The following AGPAT5 variants were observed in gnomAD, a reference collection of about 807,000 sequenced individuals.
AGPAT5 encodes 1-acylglycerol-3-phosphate O-acyltransferase 5, also known as 1-acyl-sn-glycerol-3-phosphate acyltransferase epsilon.
AGPAT5 carries 46 observed loss-of-function variants against 45.6 expected under a neutral mutation model. The ratio of observed to expected loss-of-function variants is 1.01; its 90% CI spans 0.80 to 1.29. The LOEUF is 1.29. Among genes scored for constraint, AGPAT5 ranks in the 50% most tolerant of loss-of-function variants. The pLI, the probability that AGPAT5 is intolerant of heterozygous loss-of-function variation, is 0.00. For synonymous variants in AGPAT5, 272 were observed against 167.0 expected, an observed-to-expected ratio of 1.63 and a Z score of -4.85; for missense variants, 673 against 450.7, an observed-to-expected ratio of 1.49 and a Z score of -4.47.
intron 2 of AGPAT5, among the ~76,000 whole-genome samples, chr8:6,730,340 TTTTTTTTTG>T (rs1171292354): frequency 1.1e-4 from 1 of 9,376 alleles, no homozygotes; most frequent in African/African-American, 5.3e-3. Flanking sequence ...TTTTTTTTTT[TTTTTTTTTG>T]GAGACGGAGT....
chr8:6,729,651 G>A (rs191970864), intron 2 of AGPAT5, among the ~76,000 whole-genome samples: 44 of 152,148 alleles, frequency 2.9e-4, no homozygotes, highest in African/African-American at 1.1e-3. Flanking sequence ...CATGTCCTCT[G>A]TTTCCCATCT....
chr8:6,709,060 A>C, intron 1 of AGPAT5, 173 bp downstream of exon 1: 1 of 738,344 alleles, frequency 1.4e-6, no homozygotes, highest in Admixed American at 2.1e-5. Context: ...CGTTCTGCCG[A>C]GATCGCTCTC....
chr8:6,717,262 G>C (rs1207337294), intron 1 of AGPAT5, among the ~76,000 whole-genome samples: 3 of 152,180 alleles, frequency 2.0e-5, no homozygotes, highest in Non-Finnish European at 4.4e-5. Flanking sequence ...AAATAAGAAA[G>C]TGTTACTTGA....
In AGPAT5 at chr8:6,727,102, G is replaced by C. The variant is rs1240911510; in HGVS notation, c.289+2163G>C. Among the ~76,000 whole-genome samples, 3 of 152,156 alleles carry C rather than the reference G, an allele frequency of 2.0e-5. No homozygotes were observed. In the East Asian group the frequency reaches 5.8e-4, roughly 29 times the overall value. ...TTAGGAATCACAACAGAGTATCTCT[G>C]AAAATGTAATTAGCGGAAAGAATAT... On this transcript the variant is annotated intron_variant, in intron 2 of 7. Transcript: ENST00000285518.
chr8:6,727,026 G>C (rs185927995), intron 2 of AGPAT5, among the ~76,000 whole-genome samples: 15 of 152,200 alleles, frequency 9.9e-5, no homozygotes, highest in African/African-American at 3.4e-4. Flanking sequence ...CCATAGACGT[G>C]GTTCATTGTC....
chr8:6,744,953 CA>C (rs1310327188), intron 5 of AGPAT5, among the ~76,000 whole-genome samples: 2 of 152,210 alleles, frequency 1.3e-5, no homozygotes, highest in Admixed American at 1.3e-4. Context: ...CAAGCCAGGC[CA>C]TTTCATTTCA....
intron 4 of AGPAT5, 130 bp downstream of exon 4, chr8:6,732,780 A>G (rs1800910613): frequency 5.9e-6 from 5 of 842,220 alleles, no homozygotes; most frequent in Non-Finnish European, 8.8e-6. Flanking sequence ...GGTTATGCTG[A>G]GGTAACAGAA....
chr8:6,732,482 G>C (rs1800895920), intron 3 of AGPAT5, 79 bp from the exon 4 acceptor site: 1 of 1,066,750 alleles, frequency 9.4e-7, no homozygotes, highest in East Asian at 2.7e-5. Context: ...CTTTTTGCAA[G>C]AGAAGTTGCC....
chr8:6,711,285 C>G (rs1012940187), intron 1 of AGPAT5, among the ~76,000 whole-genome samples: 1 of 152,166 alleles, frequency 6.6e-6, no homozygotes, highest in Non-Finnish European at 1.5e-5. Flanking sequence ...TTGGATTTTT[C>G]TTGGATTCTG....
chr8:6,709,655 T>C (rs1305868440), intron 1 of AGPAT5: 1 of 152,202 alleles, frequency 6.6e-6, no homozygotes, highest in Non-Finnish European at 1.5e-5. Context: ...TAGTCCTCTT[T>C]TACTTTTCTT....
At chr8:6,729,863 G>A (rs1424369657) in intron 2 of AGPAT5, among the ~76,000 whole-genome samples, 1 of 152,114 alleles carries the variant, frequency 6.6e-6, no homozygotes, top group Non-Finnish European at 1.5e-5. Flanking sequence ...TTAGCAGTCT[G>A]AGATCATTTT....
chr8:6,748,904 C>T (rs1178854021), intron 6 of AGPAT5, among the ~76,000 whole-genome samples: 1 of 152,116 alleles, frequency 6.6e-6, no homozygotes, highest in African/African-American at 2.4e-5. Flanking sequence ...GAAACCCTCA[C>T]CTGAAGCATT....
In AGPAT5 at chr8:6,760,971, G is replaced by T. The variant is rs997076527; in HGVS notation, c.*3583G>T. Among the ~76,000 whole-genome samples, 2 of 152,074 alleles carry T rather than the reference G, an allele frequency of 1.3e-5. No individual in the cohort carries two copies. Among genetic ancestry groups the T allele is most frequent in the African/African-American group, 4.8e-5 (2 of 41,398 alleles). On this transcript the variant is annotated 3_prime_UTR_variant, in exon 8 of 8. Transcript: ENST00000285518. Reference sequence around the variant, plus strand: ...CAGTTTAGAGTAGCTACAACTCTTCGATACTATCATCAATATTTGACATCT... The same window carrying T: ...CAGTTTAGAGTAGCTACAACTCTTCTATACTATCATCAATATTTGACATCT...
chr8:6,725,177 A>T (rs10086543), intron 2 of AGPAT5, among the ~76,000 whole-genome samples: 3,527 of 152,174 alleles, frequency 0.023, 135 homozygotes, highest in African/African-American at 0.081. Flanking sequence ...CTATCTTCTT[A>T]CTTGCTTGCT....
At chr8:6,718,538 A>G (rs1028574327) in intron 1 of AGPAT5, among the ~76,000 whole-genome samples, 1 of 152,166 alleles carries the variant, frequency 6.6e-6, no homozygotes, top group Non-Finnish European at 1.5e-5. Context: ...GCGAATAAAC[A>G]TGATCAGTGG....
rs1039180019 is a variant in AGPAT5, at chr8:6,759,200, G to A, written c.*1812G>A. Reference sequence around the variant, plus strand: ...AATTCCATGTCTTTGTTAAGTACAGGGATTTAATATATTTTGAATATAATG... The same window carrying A: ...AATTCCATGTCTTTGTTAAGTACAGAGATTTAATATATTTTGAATATAATG... On this transcript the variant is annotated 3_prime_UTR_variant, in exon 8 of 8. Transcript: ENST00000285518. 6.6e-6 allele frequency: 1 copy of A among 152,070 alleles called. No individual in the cohort carries two copies. Among genetic ancestry groups the A allele is most frequent in the African/African-American group, 2.4e-5 (1 of 41,392 alleles). 9.4% of individuals were successfully genotyped at this position (152,070 alleles called of 1,614,324 possible). A position where few individuals can be genotyped will look rare whatever the true frequency, so the allele number is the denominator to read the frequency against.
chr8:6,718,776 AG>A (rs1800410595), intron 1 of AGPAT5, among the ~76,000 whole-genome samples: 2 of 152,234 alleles, frequency 1.3e-5, no homozygotes, highest in Admixed American at 1.3e-4. Context: ...AGAACTTGCT[AG>A]GCCACCTCTC....
intron 4 of AGPAT5, among the ~76,000 whole-genome samples, chr8:6,739,968 A>T (rs1041865611): frequency 1.3e-5 from 2 of 152,022 alleles, no homozygotes; most frequent in Non-Finnish European, 2.9e-5. Context: ...ATATGTAACG[A>T]CATGTTTTTA....
intron 1 of AGPAT5, among the ~76,000 whole-genome samples, chr8:6,723,154 A>G (rs2116875853): frequency 1.3e-5 from 2 of 152,278 alleles, no homozygotes; most frequent in South Asian, 4.1e-4. Context: ...AGCTTTGCCT[A>G]CTGGTGACAA....
Sources: allele counts gnomAD v4.1 joint callset (sites outside exome capture counted in the v4.1 genomes callset), GRCh38; gene constraint gnomAD v4.1.1; transcripts MANE v1.5; gene names NCBI Gene and HGNC (gene_info 2026-07-23, HGNC 2026-07-21).